The following CNTN4 variants were observed in gnomAD, a reference collection of about 807,000 sequenced individuals.
The protein encoded by CNTN4 is contactin-4.
A neutral mutation model predicts 122.5 loss-of-function variants in CNTN4; 77 were observed. That is an observed-to-expected ratio of 0.63 (90% CI 0.52 to 0.76). CNTN4 has a LOEUF of 0.76. Ranked by LOEUF, CNTN4 falls within the 30% of genes least tolerant of loss-of-function variation. The probability of loss-of-function intolerance (pLI) is 0.00; values close to 1 mark genes in which losing one functional copy is unlikely to be tolerated. For synonymous variants in CNTN4, 512 were observed against 447.0 expected (o/e 1.15, Z -1.83); for missense variants, 1,256 against 1,259.1 (o/e 1.00, Z 0.04).
chr3:2,676,402 A>T (rs1433170845), intron 4 of CNTN4, among the ~76,000 whole-genome samples: 1 of 152,112 alleles, frequency 6.6e-6, no homozygotes, highest in African/African-American at 2.4e-5. Flanking sequence ...TTGTATTTTT[A>T]ATAGAGACAG....
intron 6 of CNTN4, among the ~76,000 whole-genome samples, chr3:2,817,043 A>C (rs7620209): frequency 0.064 from 9,670 of 152,266 alleles, 1,003 homozygotes; most frequent in African/African-American, 0.22. Context: ...ATCTGGATAG[A>C]TATTCATACC....
chr3:2,165,662 T>C lies in CNTN4; in HGVS notation c.-145+65023T>C, dbSNP rs2036162913. Among the ~76,000 whole-genome samples the C allele has an allele frequency of 1.3e-5, 2 of 152,194 alleles. 1 individual carries two copies. Among genetic ancestry groups the C allele is most frequent in the South Asian group, 4.1e-4 (2 of 4,832 alleles). Reference sequence around the variant, plus strand: ...TAGGTATCCAGAAATTATTCAAAGTTTGTGCCCTTTGACCAAAACCTCCCT... The same window carrying C: ...TAGGTATCCAGAAATTATTCAAAGTCTGTGCCCTTTGACCAAAACCTCCCT... On this transcript the variant is annotated intron_variant, in intron 2 of 24. Coordinates refer to ENST00000418658, the MANE Select transcript of CNTN4 (RefSeq NM_175607.3).
chr3:2,860,841 C>A (rs1456394808), intron 7 of CNTN4, among the ~76,000 whole-genome samples: 1 of 152,090 alleles, frequency 6.6e-6, no homozygotes, highest in African/African-American at 2.4e-5. Flanking sequence ...GTTTTGGTTT[C>A]TTCTGAAACC....
intron 23 of CNTN4, among the ~76,000 whole-genome samples, chr3:3,044,708 C>T (rs1471775615): frequency 1.3e-5 from 2 of 152,214 alleles, no homozygotes; most frequent in African/African-American, 4.8e-5. Context: ...GTGATTTCTA[C>T]ATTTCCAACT....
At chr3:2,371,739 G>A (rs531039220) in intron 3 of CNTN4, among the ~76,000 whole-genome samples, 1 of 152,128 alleles carries the variant, frequency 6.6e-6, no homozygotes, top group African/African-American at 2.4e-5. Flanking sequence ...TCAAGAAAAA[G>A]GTTCTGGAAT....
chr3:2,978,972 G>T (rs1693692236), intron 13 of CNTN4, among the ~76,000 whole-genome samples: 1 of 152,146 alleles, frequency 6.6e-6, no homozygotes, highest in African/African-American at 2.4e-5. Flanking sequence ...CTTGGGGAAA[G>T]AAATACAGAT....
At chr3:2,455,307 C>T (rs1253594580) in intron 3 of CNTN4, among the ~76,000 whole-genome samples, 1 of 152,062 alleles carries the variant, frequency 6.6e-6, no homozygotes, top group East Asian at 1.9e-4. Context: ...ATTGATTGTT[C>T]TGAAGGCTAC....
chr3:2,448,248 G>A (rs1203970978), intron 3 of CNTN4, among the ~76,000 whole-genome samples: 1 of 152,222 alleles, frequency 6.6e-6, no homozygotes, highest in Non-Finnish European at 1.5e-5. Context: ...GGCAGAGAAT[G>A]TAGTGTCCAG....
intron 4 of CNTN4, among the ~76,000 whole-genome samples, chr3:2,607,073 T>TTC (rs762691485): frequency 6.6e-6 from 1 of 152,242 alleles, no homozygotes; most frequent in Non-Finnish European, 1.5e-5. Flanking sequence ...ACAGTGCTAC[T>TTC]TCTCTTGTTG....
At chr3:2,341,179 T>C (rs1248610347) in intron 3 of CNTN4, among the ~76,000 whole-genome samples, 1 of 152,210 alleles carries the variant, frequency 6.6e-6, no homozygotes, top group East Asian at 1.9e-4. Flanking sequence ...ATGTATTTCC[T>C]TTATGAATAC....
At chr3:2,380,057 CA>C (rs5846182) in intron 3 of CNTN4, among the ~76,000 whole-genome samples, 5,257 of 119,734 alleles carry the variant, frequency 0.044, 231 homozygotes, top group Admixed American at 0.19. Flanking sequence ...AACTCCATCT[CA>C]AAAAAAAAAA....
At chr3:2,593,069 C>A (rs188657275) in intron 4 of CNTN4, among the ~76,000 whole-genome samples, 80 of 152,278 alleles carry the variant, frequency 5.3e-4, no homozygotes, top group African/African-American at 1.8e-3. Flanking sequence ...ACCCACTCAG[C>A]TCTCCCTGAA....
intron 4 of CNTN4, among the ~76,000 whole-genome samples, chr3:2,646,479 G>C (rs2083124587): frequency 6.6e-6 from 1 of 152,072 alleles, no homozygotes; most frequent in Non-Finnish European, 1.5e-5. Flanking sequence ...GAATTGAAGG[G>C]GTTAATACAT....
intron 2 of CNTN4, among the ~76,000 whole-genome samples, chr3:2,260,313 G>T (rs1257601959): frequency 6.6e-6 from 1 of 151,950 alleles, no homozygotes; most frequent in East Asian, 1.9e-4. Flanking sequence ...CACCCGAGTT[G>T]TGATAATCAA....
chr3:2,644,797 T>G (rs1180341352), intron 4 of CNTN4, among the ~76,000 whole-genome samples: 1 of 146,740 alleles, frequency 6.8e-6, no homozygotes, highest in East Asian at 2.0e-4. Context: ...TTGAAGTGTA[T>G]GTTAGGGTTG....
intron 4 of CNTN4, among the ~76,000 whole-genome samples, chr3:2,615,251 G>T (rs537470451): frequency 1.2e-4 from 18 of 152,248 alleles, no homozygotes; most frequent in Non-Finnish European, 2.4e-4. Context: ...TTATAACAGG[G>T]TATTGCATAA....
intron 3 of CNTN4, among the ~76,000 whole-genome samples, chr3:2,387,902 C>T (rs1295098074): frequency 6.6e-6 from 1 of 152,128 alleles, no homozygotes; most frequent in African/African-American, 2.4e-5. Flanking sequence ...TTTAAAATTG[C>T]TCTGTGCCAT....
chr3:2,273,398 G>C (rs2041377980), intron 2 of CNTN4, among the ~76,000 whole-genome samples: 1 of 152,156 alleles, frequency 6.6e-6, no homozygotes, highest in Admixed American at 6.5e-5. Context: ...GTTTTGCAAT[G>C]TGGGCAACAA....
intron 2 of CNTN4, among the ~76,000 whole-genome samples, chr3:2,251,567 C>CT (rs928582214): frequency 2.0e-5 from 3 of 150,840 alleles, no homozygotes; most frequent in African/African-American, 4.8e-5. Flanking sequence ...TTTCCCTTCA[C>CT]TTTTTTTTTG....
Sources: allele counts gnomAD v4.1 joint callset (sites outside exome capture counted in the v4.1 genomes callset), GRCh38; gene constraint gnomAD v4.1.1; transcripts MANE v1.5; gene names NCBI Gene and HGNC (gene_info 2026-07-23, HGNC 2026-07-21).